Variants in KSR1 observed in about 807,000 individuals in gnomAD.
KSR1 encodes kinase suppressor of ras.
In KSR1, 35 loss-of-function variants were observed where a neutral mutation model predicts 92.9. The ratio of observed to expected loss-of-function variants is 0.38; its 90% CI spans 0.29 to 0.50. KSR1 has a LOEUF of 0.50. KSR1 is among the 20% of genes least tolerant of loss of function. The probability of loss-of-function intolerance (pLI) is 0.94; values close to 1 mark genes in which losing one functional copy is unlikely to be tolerated. For synonymous variants in KSR1, 467 were observed against 472.6 expected, an observed-to-expected ratio of 0.99 and a Z score of 0.15; for missense variants, 972 against 1,158.5, an observed-to-expected ratio of 0.84 and a Z score of 2.34.
intron 10 of KSR1, among the ~76,000 whole-genome samples, chr17:27,598,410 G>T (rs1353711549): frequency 6.6e-6 from 1 of 152,212 alleles, no homozygotes; most frequent in East Asian, 1.9e-4. Flanking sequence ...GCCATACCCA[G>T]CCAGCAGGAG....
At chr17:27,505,644 A>T (rs751674249) in intron 1 of KSR1, among the ~76,000 whole-genome samples, 2 of 152,198 alleles carry the variant, frequency 1.3e-5, no homozygotes, top group African/African-American at 2.4e-5. Context: ...TGGTAGCAGT[A>T]TCTCCCTCAG....
chr17:27,623,799 A>G lies in KSR1; in HGVS notation c.*407A>G, dbSNP rs2074286422. ...GGCCAGAAGGAAGACAAACATGGTA[A>G]TTGCAGCTGTTCTTGGGGTAGGGCG... On this transcript the variant is annotated 3_prime_UTR_variant, in exon 21 of 21. Coordinates refer to ENST00000644974, the MANE Select transcript of KSR1 (RefSeq NM_001394583.1). The G allele has an allele frequency of 3.7e-6, 2 of 540,818 alleles. No homozygotes were observed. The highest frequency in any genetic ancestry group is 6.4e-6 in the Non-Finnish European group (2 of 313,376). The allele number at this position is 540,818 out of a possible 1,614,324, so 33.5% of individuals were successfully genotyped here. A position where few individuals can be genotyped will look rare whatever the true frequency, so the allele number is the denominator to read the frequency against.
chr17:27,599,013 G>A (rs1256546636), intron 10 of KSR1, among the ~76,000 whole-genome samples: 1 of 152,208 alleles, frequency 6.6e-6, no homozygotes, highest in Non-Finnish European at 1.5e-5. Context: ...CTTCACAACG[G>A]GGAAATGTTC....
At position 27,623,524 on chromosome 17, in the gene KSR1, G is replaced by C; in HGVS notation, c.*132G>C. On this transcript the variant is annotated 3_prime_UTR_variant, in exon 21 of 21. Coordinates refer to ENST00000644974, the MANE Select transcript of KSR1 (RefSeq NM_001394583.1). The stretch of plus-strand genomic sequence containing the variant: ...ACCAGGAGCACACGTCCTAGATTCA[G>C]ACTGTTGGCCATAAACCCCACTCGG... 1.5e-6 allele frequency: 1 copy of C among 682,030 alleles called. No homozygotes were observed. Among genetic ancestry groups the C allele is most frequent in the Non-Finnish European group, 2.6e-6 (1 of 379,124 alleles). The allele number at this position is 682,030 out of a possible 1,614,324, so 42.2% of individuals were successfully genotyped here.
intron 1 of KSR1, among the ~76,000 whole-genome samples, chr17:27,486,458 G>A (rs961066910): frequency 3.9e-5 from 6 of 152,194 alleles, no homozygotes; most frequent in African/African-American, 1.4e-4. Flanking sequence ...GGGCTTGCTT[G>A]GCATCAGTTT....
rs2069483947 is a variant in KSR1 at position 27,508,702 on chromosome 17, G to GA, written c.232-41864dup. ...GGCCCTCTTTCCTAGGTTTGGGCCT[G>GA]AATTTTTTTTATTTATTTATTTATT... On this transcript the variant is annotated intron_variant, in intron 1 of 20. Coordinates refer to ENST00000644974, the MANE Select transcript of KSR1 (RefSeq NM_001394583.1). Among the ~76,000 whole-genome samples, 18 of 92,238 alleles carry GA rather than the reference G, an allele frequency of 2.0e-4. No homozygotes were observed. In the South Asian group the frequency reaches 7.6e-3, roughly 39 times the overall value. 60.5% of individuals were successfully genotyped at this position (92,238 alleles called of 152,430 possible).
chr17:27,581,012 G>A (rs1178067210), intron 3 of KSR1, among the ~76,000 whole-genome samples: 1 of 152,110 alleles, frequency 6.6e-6, no homozygotes, highest in African/African-American at 2.4e-5. Context: ...TGATCTGCAG[G>A]ACTGGATAAT....
intron 1 of KSR1, among the ~76,000 whole-genome samples, chr17:27,537,471 G>A (rs909393403): frequency 5.3e-5 from 8 of 152,134 alleles, no homozygotes; most frequent in Non-Finnish European, 7.4e-5. Flanking sequence ...GCGGCAGATC[G>A]CCTGAGGTCA....
intron 1 of KSR1, among the ~76,000 whole-genome samples, chr17:27,490,652 A>G (rs887540652): frequency 2.6e-5 from 4 of 152,200 alleles, no homozygotes; most frequent in East Asian, 3.8e-4. Context: ...ACTCTAATAC[A>G]TAATTGAGTT....
chr17:27,569,938 G>T (rs1387283486), intron 2 of KSR1, among the ~76,000 whole-genome samples: 1 of 152,264 alleles, frequency 6.6e-6, no homozygotes, highest in African/African-American at 2.4e-5. Context: ...TTCCAGGAGG[G>T]TGGGCTGGCC....
intron 12 of KSR1, 28 bp from the exon 13 acceptor site, chr17:27,604,652 C>A: frequency 6.2e-7 from 1 of 1,610,276 alleles, no homozygotes; most frequent in Non-Finnish European, 8.5e-7. Context: ...TCCTCAAGGT[C>A]TCCTTGACAA....
chr17:27,561,386 C>A (rs2071821866), intron 2 of KSR1, among the ~76,000 whole-genome samples: 1 of 152,200 alleles, frequency 6.6e-6, no homozygotes, highest in Non-Finnish European at 1.5e-5. Context: ...CATATGCACC[C>A]ATTGATCACT....
chr17:27,482,912 A>G (rs1387191217), intron 1 of KSR1, among the ~76,000 whole-genome samples: 2 of 18,678 alleles, frequency 1.1e-4, no homozygotes, highest in Non-Finnish European at 1.8e-4. Flanking sequence ...CAATAAACCT[A>G]CATGTCTCGT....
intron 6 of KSR1, among the ~76,000 whole-genome samples, chr17:27,588,738 A>G (rs770136859): frequency 7.9e-5 from 12 of 151,870 alleles, no homozygotes; most frequent in Non-Finnish European, 1.5e-4. Flanking sequence ...CCTCATCTGC[A>G]CCTCCTCGGG....
chr17:27,583,238 T>G, intron 4 of KSR1, 133 bp downstream of exon 4: 1 of 644,086 alleles, frequency 1.6e-6, no homozygotes, highest in Non-Finnish European at 2.6e-6. Flanking sequence ...CCCCCATCTT[T>G]CAGTCCATTC....
rs569070251 is a variant in KSR1, at chr17:27,456,702, G to A, written c.59G>A (p.Gly20Glu). 2.4e-6 allele frequency: 2 copies of A among 828,710 alleles called. No individual in the cohort carries two copies. The highest frequency in any genetic ancestry group is 1.7e-5 in the African/African-American group (1 of 58,970). The allele number at this position is 828,710 out of a possible 1,614,324, so 51.3% of individuals were successfully genotyped here. ...AMGEKKEGGG[G>E]GDAAAAEGGA... ...GGAGAGAAGAAGGAGGGCGGTGGCGGGGGGGATGCGGCGGCCGCGGAGGGA... is the reference window on the plus strand; with the variant it reads ...GGAGAGAAGAAGGAGGGCGGTGGCGAGGGGGATGCGGCGGCCGCGGAGGGA... The change falls in exon 1 of 21, where the codon GGG becomes GAG. Residue 20 changes from glycine (G) to glutamate (E), a missense_variant. Physicochemically the swap from Gly to Glu is moderately conservative, Grantham distance 98 (BLOSUM62 -2). Coordinates refer to ENST00000644974, the MANE Select transcript of KSR1 (RefSeq NM_001394583.1).
In KSR1 at chr17:27,590,800, G is replaced by T. The variant is rs189414128; in HGVS notation, c.1047-11G>T. ...CTGGTGCAAACATGTGCCTGTGTCC[G>T]CCCTCTGCAGGTTCTCCACCAAGTC... On this transcript the variant is annotated splice_polypyrimidine_tract_variant and intron_variant, in intron 6 of 20. Transcript: ENST00000644974. 6.2e-7 allele frequency: 1 copy of T among 1,606,172 alleles called. No individual in the cohort carries two copies.
At chr17:27,531,725 C>T (rs902998676) in intron 1 of KSR1, among the ~76,000 whole-genome samples, 1 of 152,228 alleles carries the variant, frequency 6.6e-6, no homozygotes, top group Non-Finnish European at 1.5e-5. Context: ...GCCACTGTGG[C>T]ACTCAAGGCT....
At chr17:27,596,233 C>A (rs532531642) in intron 9 of KSR1, among the ~76,000 whole-genome samples, 1 of 152,310 alleles carries the variant, frequency 6.6e-6, no homozygotes, top group East Asian at 1.9e-4. Flanking sequence ...AGCTTGAAGC[C>A]CTCACTCTGT....
Sources: gnomAD v4.1 joint callset for allele counts (sites outside exome capture counted in the v4.1 genomes callset) on GRCh38, gnomAD v4.1.1 for gene constraint, MANE v1.5 for transcripts, NCBI Gene and HGNC (gene_info 2026-07-23, HGNC 2026-07-21) for gene names.